CAPN8: variants seen among roughly 807,000 people sequenced by gnomAD.
CAPN8 encodes calpain 8.
In CAPN8, 87 loss-of-function variants were observed where a neutral mutation model predicts 80.9. The ratio of observed to expected loss-of-function variants is 1.07; its 90% CI spans 0.90 to 1.28. The LOEUF (loss-of-function observed/expected upper bound fraction) is 1.28, where lower values mean the gene tolerates loss of function less well. CAPN8 is among the 50% of genes most tolerant of loss of function. CAPN8 has a pLI of 0.00. For missense variants in CAPN8, 757 were observed against 702.0 expected (o/e 1.08, Z -0.89); for synonymous variants, 299 against 273.8 (o/e 1.09, Z -0.91).
At chr1:223,656,308 A>C (rs1238042439) in intron 1 of CAPN8, among the ~76,000 whole-genome samples, 2 of 151,986 alleles carry the variant, frequency 1.3e-5, no homozygotes, top group Non-Finnish European at 2.9e-5. Flanking sequence ...CTCTCTACTA[A>C]AAATACAAAA....
At chr1:223,549,583 AAG>A in intron 15 of CAPN8, 1 of 778,596 alleles carries the variant, frequency 1.3e-6, no homozygotes, top group Non-Finnish European at 2.2e-6. Context: ...TAGAACAGAC[AAG>A]CACCAGCATC....
intron 2 of CAPN8, 151 bp from the exon 3 acceptor site, chr1:223,628,931 C>A: frequency 1.6e-6 from 1 of 614,026 alleles, no homozygotes; most frequent in Non-Finnish European, 2.8e-6. Flanking sequence ...GGAAATGCAC[C>A]CGCAGCCATC....
At chr1:223,647,535 CT>C (rs757522895) in intron 2 of CAPN8, among the ~76,000 whole-genome samples, 30 of 152,142 alleles carry the variant, frequency 2.0e-4, no homozygotes, top group Non-Finnish European at 4.4e-4. Context: ...CTCCTGCTTG[CT>C]CTTCCTCTTT....
At chr1:223,664,765 C>T (rs189275644) in intron 1 of CAPN8, among the ~76,000 whole-genome samples, 119 of 152,310 alleles carry the variant, frequency 7.8e-4, no homozygotes, top group Non-Finnish European at 1.1e-3. Context: ...CAGCACAACC[C>T]TGTCTCTACA....
intron 7 of CAPN8, among the ~76,000 whole-genome samples, chr1:223,621,553 G>A (rs563930500): frequency 1.2e-4 from 19 of 152,088 alleles, no homozygotes; most frequent in Non-Finnish European, 2.2e-4. Context: ...GGAAGTTGGC[G>A]GAACTGAGGT....
intron 16 of CAPN8, among the ~76,000 whole-genome samples, chr1:223,547,570 AGCC>A (rs1656657819): frequency 6.6e-6 from 1 of 152,214 alleles, no homozygotes; most frequent in Non-Finnish European, 1.5e-5. Context: ...AATACACAAA[AGCC>A]ATTGCCTGAT....
Position 223,622,872 on chromosome 1 carries a change from A to C in CAPN8, c.842T>G (p.Leu281Arg). Residue 281 changes from leucine (L) to arginine (R), a missense_variant, in exon 7 of 21, where the codon CTG becomes CGG. Leu to Arg is a moderately radical substitution (Grantham distance 102). Coordinates refer to ENST00000366872, the MANE Select transcript of CAPN8 (RefSeq NM_001143962.2). Reference protein sequence around the residue: ...EVNFQGHPEKLIRLRNPWGEV... With the variant: ...EVNFQGHPEKRIRLRNPWGEV... Reference sequence around the variant, plus strand: ...ACCCCATGGATTCCTGAGTCTGATCAGCTTCTCTGGATGGCCCTGGAAATT... The same window carrying C: ...ACCCCATGGATTCCTGAGTCTGATCCGCTTCTCTGGATGGCCCTGGAAATT... The C allele has an allele frequency of 6.4e-7, 1 of 1,551,752 alleles. No homozygotes were observed. Among genetic ancestry groups the C allele is most frequent in the Non-Finnish European group, 8.7e-7 (1 of 1,146,994 alleles).
At chr1:223,622,746 T>C (rs1572237928) in intron 7 of CAPN8, 69 bp downstream of exon 7, 1 of 1,172,092 alleles carries the variant, frequency 8.5e-7, no homozygotes, top group Non-Finnish European at 1.2e-6. Context: ...GATCTCATTG[T>C]TGTGTGTTTT....
In CAPN8 at chr1:223,552,425, G is replaced by C. The variant is rs1012757405; in HGVS notation, c.1641+1407C>G. On this transcript the variant is annotated intron_variant, in intron 14 of 20. Transcript: ENST00000366872. ...CTAAAAATGCAAAAATTATCCAGGC[G>C]TTGTGGCTGGCATCTGCAGTCCCAG... 3.2e-3 allele frequency among the ~76,000 whole-genome samples: 490 copies of C among 152,076 alleles called. 3 individuals are homozygous for C. The highest frequency in any genetic ancestry group is 0.011 in the African/African-American group (475 of 41,470).
At chr1:223,618,317 A>C in intron 9 of CAPN8, 1 of 1,550,026 alleles carries the variant, frequency 6.5e-7, no homozygotes, top group Non-Finnish European at 8.7e-7. Context: ...TCTGCGAGCC[A>C]GGAAAGCTTC....
intron 7 of CAPN8, among the ~76,000 whole-genome samples, 189 bp from the exon 8 acceptor site, chr1:223,620,455 A>G (rs372374715): frequency 1.5e-4 from 23 of 152,300 alleles, no homozygotes; most frequent in African/African-American, 5.5e-4. Flanking sequence ...GACCCAGGAC[A>G]CGGACTCCAT....
At chr1:223,621,629 C>T (rs1462874558) in intron 7 of CAPN8, among the ~76,000 whole-genome samples, 3 of 152,044 alleles carry the variant, frequency 2.0e-5, no homozygotes, top group Non-Finnish European at 4.4e-5. Context: ...TCATGTGTGG[C>T]CCTAGAGACA....
Position 223,543,168 on chromosome 1 carries a change from T to C in CAPN8, c.2030-2A>G. The C allele has an allele frequency of 1.3e-6, 2 of 1,551,596 alleles. No homozygotes were observed. The highest frequency in any genetic ancestry group is 1.7e-6 in the Non-Finnish European group (2 of 1,146,910). On this transcript the variant is annotated splice_acceptor_variant, in intron 19 of 20. Transcript: ENST00000366872. LOFTEE classifies it high-confidence loss of function. ...CTTCGTCCAGAAGGCTGAATAGTTC[T>C]AAAACACCAGAGAAGGAAATGAAAT...
chr1:223,626,518 C>T (rs1657583620), intron 5 of CAPN8, among the ~76,000 whole-genome samples: 1 of 152,152 alleles, frequency 6.6e-6, no homozygotes, highest in African/African-American at 2.4e-5. Context: ...TTTCCACAGC[C>T]ACCTTGGAAA....
intron 13 of CAPN8, among the ~76,000 whole-genome samples, chr1:223,557,650 T>A (rs1352861645): frequency 6.6e-6 from 1 of 152,222 alleles, no homozygotes; most frequent in East Asian, 1.9e-4. Flanking sequence ...ACCTCCTCCA[T>A]GGGGCCTTCC....
intron 9 of CAPN8, chr1:223,618,141 C>A: frequency 7.5e-7 from 1 of 1,325,126 alleles, no homozygotes; most frequent in Non-Finnish European, 1.0e-6. Context: ...AACAGCAAAC[C>A]AGGCAGGGAA....
intron 2 of CAPN8, among the ~76,000 whole-genome samples, chr1:223,645,625 T>G (rs574147174): frequency 1.0e-3 from 158 of 152,234 alleles, no homozygotes; most frequent in Non-Finnish European, 2.0e-3. Flanking sequence ...CCTGAACACA[T>G]GTACAGAAGG....
At chr1:223,627,872 C>T (rs1047685761) in intron 4 of CAPN8, 137 bp downstream of exon 4, 10 of 1,010,294 alleles carry the variant, frequency 9.9e-6, no homozygotes, top group Non-Finnish European at 1.4e-5. Context: ...GCTCTCTCTC[C>T]GGCTCATGGG....
At chr1:223,663,731 G>T (rs1658712934) in intron 1 of CAPN8, among the ~76,000 whole-genome samples, 1 of 152,214 alleles carries the variant, frequency 6.6e-6, no homozygotes, top group Non-Finnish European at 1.5e-5. Flanking sequence ...AGAGGGGAAT[G>T]GGAAGATGAA....
Sources: gnomAD v4.1 joint callset for allele counts (sites outside exome capture counted in the v4.1 genomes callset) on GRCh38, gnomAD v4.1.1 for gene constraint, MANE v1.5 for transcripts, NCBI Gene and HGNC (gene_info 2026-07-23, HGNC 2026-07-21) for gene names.